The following KATNAL2 variants were observed in gnomAD, a reference collection of about 807,000 sequenced individuals.
KATNAL2 encodes the protein katanin catalytic subunit A1 like 2.
Under a neutral mutation model 76.3 loss-of-function variants are expected in KATNAL2, and 52 were observed. That is an observed-to-expected ratio of 0.68 (90% CI 0.55 to 0.86). The LOEUF (loss-of-function observed/expected upper bound fraction) is 0.86. KATNAL2 is among the 40% of genes least tolerant of loss of function. KATNAL2 has a pLI of 0.00. For synonymous variants in KATNAL2, 243 were observed against 244.2 expected, an observed-to-expected ratio of 1.00 and a Z score of 0.05; for missense variants, 660 against 668.9, an observed-to-expected ratio of 0.99 and a Z score of 0.15.
chr18:47,099,189 G>T (rs2147433901), intron 15 of KATNAL2, 54 bp from the exon 16 acceptor site: 1 of 1,533,992 alleles, frequency 6.5e-7, no homozygotes, highest in Non-Finnish European at 8.8e-7. Flanking sequence ...TACAGTTGTT[G>T]TTCAGGAAGT....
intron 4 of KATNAL2, 111 bp downstream of exon 4, chr18:47,046,638 A>G: frequency 1.2e-6 from 1 of 800,024 alleles, no homozygotes; most frequent in Non-Finnish European, 2.0e-6. Flanking sequence ...GCAATTCTAT[A>G]TTTACAGAAA....
intron 15 of KATNAL2, among the ~76,000 whole-genome samples, chr18:47,090,826 T>C (rs1307503362): frequency 6.6e-6 from 1 of 152,042 alleles, no homozygotes; most frequent in African/African-American, 2.4e-5. Context: ...CAAGTGGGAA[T>C]TGTAGGTGGG....
intron 15 of KATNAL2, among the ~76,000 whole-genome samples, chr18:47,080,571 C>T (rs566883666): frequency 9.9e-5 from 15 of 152,138 alleles, no homozygotes; most frequent in South Asian, 2.1e-4. Context: ...TTGGGTCATA[C>T]GGCCACTCTA....
intron 4 of KATNAL2, among the ~76,000 whole-genome samples, chr18:47,050,311 A>G (rs1229501253): frequency 6.6e-6 from 1 of 152,220 alleles, no homozygotes; most frequent in Non-Finnish European, 1.5e-5. Flanking sequence ...AGCACTGTGA[A>G]CATAGTAACA....
intron 10 of KATNAL2, among the ~76,000 whole-genome samples, 163 bp downstream of exon 10, chr18:47,063,524 A>G (rs1359102982): frequency 6.6e-6 from 1 of 152,214 alleles, no homozygotes; most frequent in African/African-American, 2.4e-5. Flanking sequence ...ATAATGCATG[A>G]TAAATAAATT....
chr18:47,100,870 CAGCGACTT>C lies in KATNAL2; in HGVS notation c.1484_1491del (p.Ser495ThrfsTer48). On this transcript the variant is annotated frameshift_variant, in exon 18 of 18. Transcript: ENST00000683218. LOFTEE classifies it high-confidence loss of function. Reference sequence around the variant, plus strand: ...ACTGTTGTGTTCTTATCCTAGAAAGCAGCGACTTACCCAGGATCCAGTTGGATATAGTA... The same window carrying C: ...ACTGTTGTGTTCTTATCCTAGAAAGCACCCAGGATCCAGTTGGATATAGTA... 2 of 1,614,116 alleles carry C rather than the reference CAGCGACTT, an allele frequency of 1.2e-6. No individual in the cohort carries two copies. The highest frequency in any genetic ancestry group is 1.7e-6 in the Non-Finnish European group (2 of 1,180,002).
At chr18:46,949,338 C>G (rs553860236) in intron 3 of KATNAL2, among the ~76,000 whole-genome samples, 1 of 152,196 alleles carries the variant, frequency 6.6e-6, no homozygotes, top group East Asian at 1.9e-4. Context: ...CTGCAACCTC[C>G]GTCTCCCAGG....
intron 11 of KATNAL2, among the ~76,000 whole-genome samples, chr18:47,068,559 A>T (rs981831477): frequency 6.6e-6 from 1 of 152,210 alleles, no homozygotes; most frequent in Admixed American, 6.5e-5. Flanking sequence ...GAGATTTGAC[A>T]TCAGGATTAG....
intron 3 of KATNAL2, among the ~76,000 whole-genome samples, chr18:46,958,375 T>A (rs1461200002): frequency 6.6e-6 from 1 of 152,134 alleles, no homozygotes; most frequent in Non-Finnish European, 1.5e-5. Flanking sequence ...TTCCCTATAA[T>A]AAATCTAGTA....
At chr18:47,083,490 T>C (rs1355976884) in intron 15 of KATNAL2, among the ~76,000 whole-genome samples, 1 of 152,212 alleles carries the variant, frequency 6.6e-6, no homozygotes, top group Non-Finnish European at 1.5e-5. Context: ...CCATTTTCTC[T>C]AGACACATAG....
chr18:46,956,200 A>G (rs545013594), intron 3 of KATNAL2, among the ~76,000 whole-genome samples: 2 of 152,322 alleles, frequency 1.3e-5, no homozygotes, highest in African/African-American at 2.4e-5. Flanking sequence ...TTTTGAATTT[A>G]TATCTTGGTT....
intron 1 of KATNAL2, among the ~76,000 whole-genome samples, chr18:46,933,829 G>A (rs1354602795): frequency 5.2e-5 from 7 of 135,464 alleles, no homozygotes; most frequent in Admixed American, 1.6e-4. Flanking sequence ...CCCAGTGTGT[G>A]ATGTTCCCCT....
Position 46,946,462 on chromosome 18 carries a change from C to T in KATNAL2, c.-104C>T. The T allele has an allele frequency of 1.0e-6, 1 of 985,398 alleles. No individual in the cohort carries two copies. Among genetic ancestry groups the T allele is most frequent in the South Asian group, 4.7e-5 (1 of 21,282 alleles). 61.0% of individuals were successfully genotyped at this position (985,398 alleles called of 1,614,324 possible). ...TTACCCTAATCCAGGGAGGAGAAGACGGGACGTCAAAATATAGTCTTGGGT... is the reference window on the plus strand; with the variant it reads ...TTACCCTAATCCAGGGAGGAGAAGATGGGACGTCAAAATATAGTCTTGGGT... On this transcript the variant is annotated 5_prime_UTR_variant, in exon 2 of 18. It adds an upstream start codon to the 5' untranslated region. Transcript: ENST00000683218.
chr18:46,931,272 C>T (rs1314885951), intron 1 of KATNAL2, among the ~76,000 whole-genome samples: 1 of 151,006 alleles, frequency 6.6e-6, no homozygotes, highest in Non-Finnish European at 1.5e-5. Flanking sequence ...TGCACTCCAG[C>T]CTGGGCAACA....
At chr18:46,965,223 C>A (rs1437518757) in intron 3 of KATNAL2, among the ~76,000 whole-genome samples, 1 of 116,968 alleles carries the variant, frequency 8.5e-6, no homozygotes, top group Non-Finnish European at 1.9e-5. Flanking sequence ...TCCCTTAAAG[C>A]CCCCAGGGTC....
At chr18:46,950,172 A>C (rs147050099) in intron 3 of KATNAL2, among the ~76,000 whole-genome samples, 50 of 152,332 alleles carry the variant, frequency 3.3e-4, no homozygotes, top group African/African-American at 1.2e-3. Context: ...TGTTGCTTGC[A>C]TGTAACAGAT....
At chr18:47,064,409 G>A (rs755296145) in intron 10 of KATNAL2, among the ~76,000 whole-genome samples, 26 of 152,144 alleles carry the variant, frequency 1.7e-4, no homozygotes, top group Admixed American at 1.4e-3. Context: ...GGTGGGGAAC[G>A]GGTGGAGAGA....
chr18:47,095,666 C>T (rs1014842186), intron 15 of KATNAL2, among the ~76,000 whole-genome samples: 1 of 152,224 alleles, frequency 6.6e-6, no homozygotes, highest in African/African-American at 2.4e-5. Flanking sequence ...TCTGTTGGAA[C>T]ATCCTTGGGT....
chr18:47,040,488 T>C (rs1313640560), intron 3 of KATNAL2, among the ~76,000 whole-genome samples: 1 of 152,242 alleles, frequency 6.6e-6, no homozygotes, highest in African/African-American at 2.4e-5. Context: ...TGCTTTCAAC[T>C]ATTTGGGCTT....
Sources: gnomAD v4.1 joint callset for allele counts (sites outside exome capture counted in the v4.1 genomes callset) on GRCh38, gnomAD v4.1.1 for gene constraint, MANE v1.5 for transcripts, NCBI Gene and HGNC (gene_info 2026-07-23, HGNC 2026-07-21) for gene names.